Variants in USP54 observed in about 807,000 individuals in gnomAD.
USP54 encodes the protein ubiquitin carboxyl-terminal hydrolase 54.
Under a neutral mutation model 170.5 loss-of-function variants are expected in USP54, and 87 were observed. The ratio of observed to expected loss-of-function variants is 0.51; its 90% confidence interval spans 0.43 to 0.61. The LOEUF (loss-of-function observed/expected upper bound fraction) is 0.61, where lower values mean the gene tolerates loss of function less well. Ranked by LOEUF, USP54 falls within the 20% of genes least tolerant of loss-of-function variation. The pLI, the probability that USP54 is intolerant of heterozygous loss-of-function variation, is 0.00. For synonymous variants in USP54, 655 were observed against 742.8 expected (o/e 0.88, Z 1.92); for missense variants, 1,786 against 2,047.8 (o/e 0.87, Z 2.47).
At chr10:73,598,353 T>TTAAATGAATGA (rs577570457) in intron 1 of USP54, among the ~76,000 whole-genome samples, 99 of 152,256 alleles carry the variant, frequency 6.5e-4, no homozygotes, top group African/African-American at 2.1e-3. Flanking sequence ...GATCAAAAAC[T>TTAAATGAATGA]TAAATGAATG....
At chr10:73,575,449 T>A in intron 3 of USP54, 63 bp downstream of exon 3, 1 of 1,475,592 alleles carries the variant, frequency 6.8e-7, no homozygotes, top group Non-Finnish European at 9.0e-7. Flanking sequence ...AAAAGAGTTA[T>A]CAGAAATACA....
At chr10:73,523,187 C>T (rs1376124858) in intron 17 of USP54, among the ~76,000 whole-genome samples, 2 of 152,204 alleles carry the variant, frequency 1.3e-5, no homozygotes, top group Non-Finnish European at 2.9e-5. Flanking sequence ...AGATCCACTT[C>T]CCTGATGCTC....
At chr10:73,545,008 G>A (rs71471629) in intron 5 of USP54, among the ~76,000 whole-genome samples, 10 of 152,122 alleles carry the variant, frequency 6.6e-5, no homozygotes, top group Admixed American at 2.0e-4. Context: ...CACCATGCCC[G>A]GCCTCAAATT....
rs371300492 is a variant in USP54 at position 73,557,437 on chromosome 10, C to T, written c.241-11765G>A. Among the ~76,000 whole-genome samples the T allele has an allele frequency of 1.2e-4, 18 of 152,046 alleles. No individual in the cohort carries two copies. The East Asian group carries it at 3.3e-3, about 28-fold the overall frequency. ...CCAGGTTCAAGTGATTCTCCTGCCT[C>T]AGCCTCCCAAGTAGCTGGGACTATA... On this transcript the variant is annotated intron_variant, in intron 4 of 23. Transcript: ENST00000687698.
chr10:73,558,011 T>C lies in USP54; in HGVS notation c.241-12339A>G, dbSNP rs1324534873. ...GATTCTCCTGTCTCAGCCTCCTGAG[T>C]AGCTGGAACTACAGGTGCACACCAC... On this transcript the variant is annotated intron_variant, in intron 4 of 23. Transcript: ENST00000687698. Among the ~76,000 whole-genome samples, 3 of 150,532 alleles carry C rather than the reference T, an allele frequency of 2.0e-5. No individual in the cohort carries two copies. In the Admixed American group the frequency reaches 2.0e-4, roughly 10 times the overall value.
intron 12 of USP54, among the ~76,000 whole-genome samples, chr10:73,533,869 T>A (rs2064598309): frequency 1.3e-5 from 2 of 152,226 alleles, no homozygotes; most frequent in South Asian, 4.1e-4. Flanking sequence ...CATGCAGTTG[T>A]CCCTCACCAA....
At chr10:73,564,638 C>T (rs2073862844) in intron 4 of USP54, among the ~76,000 whole-genome samples, 1 of 152,138 alleles carries the variant, frequency 6.6e-6, no homozygotes, top group African/African-American at 2.4e-5. Context: ...ACTACAGTTC[C>T]AGGTTCCCTT....
At chr10:73,519,760 C>G (rs757916057) in intron 19 of USP54, 37 bp downstream of exon 19, 1 of 1,611,948 alleles carries the variant, frequency 6.2e-7, no homozygotes, top group Non-Finnish European at 8.5e-7. Flanking sequence ...ATTTCTTCCC[C>G]TGGCATTCAT....
chr10:73,534,750 T>C lies in USP54; in HGVS notation c.1165A>G (p.Ser389Gly), dbSNP rs1284028919. ...EDSGREPSIS[S>G]DTRTDSSTES... is the part of the protein sequence containing the mutation. ...GTTGAGGAATCTGTTCGAGTGTCAC[T>C]TGAGATGGAGGGCTCCCTCCCTGAG... Residue 389 changes from serine to glycine, a missense_variant, in exon 12 of 24, where the codon AGT becomes GGT. Physicochemically the swap from Ser to Gly is moderately conservative, Grantham distance 56 (BLOSUM62 0). Transcript: ENST00000687698. 1.9e-6 allele frequency: 3 copies of C among 1,613,880 alleles called. No homozygotes were observed. The highest frequency in any genetic ancestry group is 2.5e-6 in the Non-Finnish European group (3 of 1,179,858).
chr10:73,614,743 T>C (rs937186878), intron 1 of USP54, among the ~76,000 whole-genome samples: 4 of 149,592 alleles, frequency 2.7e-5, no homozygotes, highest in African/African-American at 1.0e-4. Flanking sequence ...CAAAAACATA[T>C]AAAGATAAAT....
intron 1 of USP54, among the ~76,000 whole-genome samples, chr10:73,611,149 A>C (rs749233617): frequency 6.6e-6 from 1 of 152,322 alleles, no homozygotes; most frequent in South Asian, 2.1e-4. Context: ...TATAAGCCAT[A>C]AAAATAAAAT....
chr10:73,520,766 AACAGCTAACGCGACT>A, intron 18 of USP54, 127 bp downstream of exon 18: 1 of 1,192,696 alleles, frequency 8.4e-7, no homozygotes, highest in East Asian at 2.5e-5. Context: ...AAAGGGCAAA[AACAGCTAACGCGACT>A]CAGTTTGGGA....
In USP54 at chr10:73,499,314, A is replaced by G. The variant is rs1356426301; in HGVS notation, c.4496-126T>C. 2.5e-5 allele frequency: 24 copies of G among 963,010 alleles called. No individual in the cohort carries two copies. The East Asian group carries it at 5.8e-4, about 23-fold the overall frequency. The allele number at this position is 963,010 out of a possible 1,614,324, so 59.7% of individuals were successfully genotyped here. A position where few individuals can be genotyped will look rare whatever the true frequency, so the allele number is the denominator to read the frequency against. On this transcript the variant is annotated intron_variant, in intron 23 of 23. Coordinates refer to ENST00000687698, the MANE Select transcript of USP54 (RefSeq NM_001391956.1). ...CAAGAGCATACATACAAGGGAAAGA[A>G]TGAATCAAGCTGTGCTTTTGATTCC...
At chr10:73,621,026 C>T (rs1477731129) in intron 1 of USP54, among the ~76,000 whole-genome samples, 3 of 149,700 alleles carry the variant, frequency 2.0e-5, no homozygotes, top group Non-Finnish European at 4.4e-5. Context: ...CTCGGTGGCA[C>T]GTGCCTGTAA....
chr10:73,580,029 G>C (rs2076673660), intron 1 of USP54, among the ~76,000 whole-genome samples: 1 of 151,898 alleles, frequency 6.6e-6, no homozygotes, highest in Non-Finnish European at 1.5e-5. Context: ...ATTGTTTATG[G>C]AAATGCAAAA....
chr10:73,538,781 C>T (rs1409336418), intron 10 of USP54, among the ~76,000 whole-genome samples: 4 of 152,182 alleles, frequency 2.6e-5, no homozygotes, highest in Non-Finnish European at 5.9e-5. Flanking sequence ...CCCTGCACTC[C>T]AGCCTGGGCA....
chr10:73,517,708 C>T lies in USP54; in HGVS notation c.2718G>A (p.Glu906=). The T allele has an allele frequency of 6.2e-7, 1 of 1,614,064 alleles. No homozygotes were observed. Among genetic ancestry groups the T allele is most frequent in the Non-Finnish European group, 8.5e-7 (1 of 1,180,008 alleles). Residue 906 remains glutamate, a synonymous_variant, in exon 20 of 24, where the codon GAG becomes GAA. Coordinates refer to ENST00000687698, the MANE Select transcript of USP54 (RefSeq NM_001391956.1). ...PIPLQVLLSQ[E]AQLESGMDTE... is the part of the protein sequence containing the mutation. ...TATCCATGCCGGATTCCAGTTGGGCCTCTTGGCTTAACAATACTTGGAGCG... is the reference window on the plus strand; with the variant it reads ...TATCCATGCCGGATTCCAGTTGGGCTTCTTGGCTTAACAATACTTGGAGCG...
At chr10:73,606,566 C>G (rs577260314) in intron 1 of USP54, 5 of 152,198 alleles carry the variant, frequency 3.3e-5, no homozygotes, top group Non-Finnish European at 7.3e-5. Context: ...TCAAGCCTTA[C>G]TAGTGATATT....
At chr10:73,586,456 AT>A (rs1315903969) in intron 1 of USP54, among the ~76,000 whole-genome samples, 2 of 152,142 alleles carry the variant, frequency 1.3e-5, no homozygotes, top group African/African-American at 4.8e-5. Flanking sequence ...TGTTACAGTT[AT>A]TTGGGTACGT....
Sources: gnomAD v4.1 joint callset for allele counts (sites outside exome capture counted in the v4.1 genomes callset) on GRCh38, gnomAD v4.1.1 for gene constraint, MANE v1.5 for transcripts, NCBI Gene and HGNC (gene_info 2026-07-23, HGNC 2026-07-21) for gene names.